Variants in DIP2C observed in about 807,000 individuals in gnomAD.
The protein encoded by DIP2C is disco-interacting protein 2 homolog C.
DIP2C carries 33 observed loss-of-function variants against 192.4 expected under a neutral mutation model. The ratio of observed to expected loss-of-function variants is 0.17; its 90% confidence interval spans 0.13 to 0.23. DIP2C has a LOEUF of 0.23. Among genes scored for constraint, DIP2C ranks in the 10% least tolerant of loss-of-function variants. DIP2C has a pLI of 1.00. For missense variants in DIP2C, 1,537 were observed against 2,110.1 expected (o/e 0.73, Z 5.32); for synonymous variants, 979 against 864.1 (o/e 1.13, Z -2.33).
intron 6 of DIP2C, among the ~76,000 whole-genome samples, chr10:416,407 G>A (rs373405819): frequency 1.3e-4 from 19 of 151,996 alleles, no homozygotes; most frequent in African/African-American, 2.2e-4. Flanking sequence ...CCACAGCCCC[G>A]GGCTCAGGTT....
chr10:679,778 C>T (rs1211961486), intron 1 of DIP2C, among the ~76,000 whole-genome samples: 4 of 152,188 alleles, frequency 2.6e-5, no homozygotes, highest in Non-Finnish European at 2.9e-5. Context: ...CACCCGTGCT[C>T]CCCGCACTGC....
intron 17 of DIP2C, among the ~76,000 whole-genome samples, chr10:379,762 C>G (rs1962158287): frequency 6.6e-6 from 1 of 152,244 alleles, no homozygotes; most frequent in Non-Finnish European, 1.5e-5. Context: ...GGACTGAAAG[C>G]CAAGCAACCA....
chr10:647,762 G>C (rs190398477), intron 1 of DIP2C, among the ~76,000 whole-genome samples: 1 of 150,794 alleles, frequency 6.6e-6, no homozygotes, highest in Non-Finnish European at 1.5e-5. Context: ...ACATTGGATG[G>C]TGGGAGAGAA....
In DIP2C at chr10:535,282, G is replaced by A. The variant is rs144622265; in HGVS notation, c.86-48752C>T. Among the ~76,000 whole-genome samples, 364 of 152,068 alleles carry A rather than the reference G, an allele frequency of 2.4e-3. 1 individual carries two copies. The highest frequency in any genetic ancestry group is 8.2e-3 in the African/African-American group (342 of 41,488). ...CTCCCTTGGTAAGAGTCAGGGCCAG[G>A]GGTGGGGAGAGGAGACAAGCAGCAG... On this transcript the variant is annotated intron_variant, in intron 1 of 36. Transcript: ENST00000280886.
Position 366,364 on chromosome 10 carries a change from T to C in DIP2C, c.2179A>G (p.Thr727Ala). ...ACACACAGCTCCCCGATCTCATCCG[T>C]TCTGCACAGCTGAGGAACCCCGTCT... ...KPDGVPQLCR[T>A]DEIGELCVCA... Residue 727 changes from threonine (T) to alanine (A), a missense_variant, in exon 19 of 37, where the codon ACG becomes GCG. By Grantham distance (58) the Thr-to-Ala change is moderately conservative. Around this residue, in one of 4 missense-constraint regions of DIP2C, gnomAD observed 677 missense variants for 989.9 expected, o/e 0.68. Coordinates refer to ENST00000280886, the MANE Select transcript of DIP2C (RefSeq NM_014974.3). 6.2e-7 allele frequency: 1 copy of C among 1,614,200 alleles called. No individual in the cohort carries two copies.
intron 1 of DIP2C, among the ~76,000 whole-genome samples, chr10:500,161 TGCAG>T (rs1278032511): frequency 6.6e-6 from 1 of 152,240 alleles, no homozygotes; most frequent in African/African-American, 2.4e-5. Flanking sequence ...CAGGGACCCC[TGCAG>T]GCAATGTGCC....
At chr10:566,430 T>C (rs1849471859) in intron 1 of DIP2C, among the ~76,000 whole-genome samples, 1 of 151,954 alleles carries the variant, frequency 6.6e-6, no homozygotes. Flanking sequence ...AACCCTGGAG[T>C]GTTACAGTTG....
At chr10:385,087 C>T (rs1413737979) in intron 14 of DIP2C, among the ~76,000 whole-genome samples, 2 of 151,638 alleles carry the variant, frequency 1.3e-5, no homozygotes, top group Non-Finnish European at 2.9e-5. Context: ...CCACGGACAC[C>T]AGGCTGCACG....
chr10:309,772 A>G (rs1361019931), intron 32 of DIP2C, among the ~76,000 whole-genome samples: 2 of 152,114 alleles, frequency 1.3e-5, no homozygotes, highest in East Asian at 3.9e-4. Flanking sequence ...GCTGGTCTCG[A>G]ACTCCTGACC....
intron 1 of DIP2C, among the ~76,000 whole-genome samples, chr10:603,700 G>C (rs1482429777): frequency 2.6e-5 from 4 of 152,196 alleles, no homozygotes; most frequent in Non-Finnish European, 5.9e-5. Flanking sequence ...CTTTTCAAAG[G>C]TCTGGAGGTG....
intron 14 of DIP2C, 128 bp from the exon 15 acceptor site, chr10:384,767 T>G (rs993680859): frequency 2.3e-6 from 2 of 854,304 alleles, no homozygotes; most frequent in East Asian, 2.5e-5. Context: ...GCAGACACCA[T>G]GCACACAGGC....
intron 1 of DIP2C, among the ~76,000 whole-genome samples, chr10:491,920 G>A (rs1470327532): frequency 6.6e-6 from 1 of 152,124 alleles, no homozygotes; most frequent in Non-Finnish European, 1.5e-5. Flanking sequence ...AGAAAACCAG[G>A]GGCTAGGAAG....
chr10:311,642 A>C, intron 31 of DIP2C: 5 of 1,128,574 alleles, frequency 4.4e-6, no homozygotes, highest in Non-Finnish European at 5.6e-6. Flanking sequence ...CACAACACAC[A>C]CAGACACATA....
intron 35 of DIP2C, 149 bp downstream of exon 35, chr10:283,123 A>C (rs1291447628): frequency 9.0e-7 from 1 of 1,113,826 alleles, no homozygotes; most frequent in Non-Finnish European, 1.3e-6. Flanking sequence ...TCTTGCTCTT[A>C]AACTCGGTTC....
chr10:282,636 C>T (rs1954892910), intron 35 of DIP2C, among the ~76,000 whole-genome samples: 1 of 152,242 alleles, frequency 6.6e-6, no homozygotes, highest in African/African-American at 2.4e-5. Context: ...TATACAAGTG[C>T]ACTTTTACAT....
At chr10:470,919 G>C (rs191516441) in intron 3 of DIP2C, among the ~76,000 whole-genome samples, 1 of 151,950 alleles carries the variant, frequency 6.6e-6, no homozygotes, top group East Asian at 1.9e-4. Context: ...TGGGTGTGTT[G>C]TGTGTTCACA....
At chr10:553,627 T>A (rs774291697) in intron 1 of DIP2C, among the ~76,000 whole-genome samples, 21 of 152,224 alleles carry the variant, frequency 1.4e-4, no homozygotes, top group Non-Finnish European at 2.6e-4. Flanking sequence ...TAGGATTTAG[T>A]CCATGCCTTC....
At chr10:593,303 C>T (rs1364021325) in intron 1 of DIP2C, among the ~76,000 whole-genome samples, 4 of 152,296 alleles carry the variant, frequency 2.6e-5, no homozygotes, top group Non-Finnish European at 2.9e-5. Flanking sequence ...CAAACACCCA[C>T]GCCCAGTGTA....
intron 1 of DIP2C, among the ~76,000 whole-genome samples, chr10:582,316 C>T (rs546864407): frequency 1.3e-5 from 2 of 152,216 alleles, no homozygotes; most frequent in African/African-American, 2.4e-5. Context: ...ACCAGGATGC[C>T]ATGCACCCAA....
Sources: allele counts gnomAD v4.1 joint callset (sites outside exome capture counted in the v4.1 genomes callset), GRCh38; gene constraint gnomAD v4.1.1; regional missense constraint gnomAD v4.1.1; transcripts MANE v1.5; gene names NCBI Gene and HGNC (gene_info 2026-07-23, HGNC 2026-07-21).